FRK: variants seen among roughly 807,000 people sequenced by gnomAD.
The protein encoded by FRK is tyrosine-protein kinase FRK.
FRK carries 51 observed loss-of-function variants against 56.4 expected under a neutral mutation model. That is an observed-to-expected ratio of 0.90 (90% CI 0.72 to 1.14). The LOEUF (loss-of-function observed/expected upper bound fraction) is 1.14. Among genes scored for constraint, FRK ranks in the 50% most tolerant of loss-of-function variants. The probability of loss-of-function intolerance (pLI) is 0.00; values close to 1 mark genes in which losing one functional copy is unlikely to be tolerated. For synonymous variants in FRK, 245 were observed against 217.9 expected, an observed-to-expected ratio of 1.12 and a Z score of -1.10; for missense variants, 570 against 601.4, an observed-to-expected ratio of 0.95 and a Z score of 0.55.
Position 115,998,434 on chromosome 6 carries a change from C to T in FRK, c.466+5443G>A, listed in dbSNP as rs568235103. Reference sequence around the variant, plus strand: ...CCTTTCCACACTTATTTTCTACCATCCCTCCTCGCCTTCATCCACTCCCCA... The same window carrying T: ...CCTTTCCACACTTATTTTCTACCATTCCTCCTCGCCTTCATCCACTCCCCA... On this transcript the variant is annotated intron_variant, in intron 2 of 7. Transcript: ENST00000606080. Among the ~76,000 whole-genome samples, 3 of 152,270 alleles carry T rather than the reference C, an allele frequency of 2.0e-5. No individual in the cohort carries two copies. The East Asian group carries it at 5.8e-4, about 29-fold the overall frequency.
chr6:116,061,714 G>A (rs969798017), upstream of FRK, among the ~76,000 whole-genome samples: 1 of 152,248 alleles, frequency 6.6e-6, no homozygotes, highest in Non-Finnish European at 1.5e-5. Context: ...GCAGATCAAC[G>A]TACGGTCATT....
the FRK span, among the ~76,000 whole-genome samples, chr6:116,096,591 G>A: frequency 6.6e-6 from 1 of 151,754 alleles, no homozygotes; most frequent in Admixed American, 6.6e-5. Context: ...ATGCACCAAT[G>A]AGCACTCTGT....
the FRK span, among the ~76,000 whole-genome samples, chr6:116,074,933 C>A: frequency 2.2e-4 from 33 of 152,188 alleles, no homozygotes; most frequent in South Asian, 6.6e-3. Context: ...CCTAGGGTTA[C>A]AATCTGGGAA....
intron 1 of FRK, among the ~76,000 whole-genome samples, chr6:116,049,351 AGGCTTTT>A (rs1314181514): frequency 6.6e-6 from 1 of 152,152 alleles, no homozygotes; most frequent in African/African-American, 2.4e-5. Context: ...TCATCTCTCT[AGGCTTTT>A]AGAAATTCAG....
chr6:116,029,885 A>G (rs557248995), intron 1 of FRK, among the ~76,000 whole-genome samples: 8 of 152,062 alleles, frequency 5.3e-5, no homozygotes, highest in African/African-American at 7.2e-5. Context: ...CCCTTTTTTA[A>G]CCTGATTTTT....
chr6:115,987,279 G>A (rs1418238803), intron 2 of FRK, among the ~76,000 whole-genome samples: 1 of 151,864 alleles, frequency 6.6e-6, no homozygotes, highest in Non-Finnish European at 1.5e-5. Context: ...AGGAAGCTGA[G>A]GCATGGAGAG....
Position 115,941,196 on chromosome 6 carries a change from A to G in FRK, c.*1218T>C, listed in dbSNP as rs1772163176. 6.6e-6 allele frequency: 1 copy of G among 152,258 alleles called. No homozygotes were observed. Among genetic ancestry groups the G allele is most frequent in the South Asian group, 2.1e-4 (1 of 4,828 alleles). 9.4% of individuals were successfully genotyped at this position (152,258 alleles called of 1,614,324 possible). A position where few individuals can be genotyped will look rare whatever the true frequency, so the allele number is the denominator to read the frequency against. On this transcript the variant is annotated 3_prime_UTR_variant, in exon 8 of 8. Transcript: ENST00000606080. The stretch of plus-strand genomic sequence containing the variant: ...GGATGAGTTCATGTCCTTCACAGGG[A>G]CATGGATAAAGCTGGAAACCATCAT...
chr6:116,057,868 C>G (rs1467170800), intron 1 of FRK, among the ~76,000 whole-genome samples: 1 of 152,108 alleles, frequency 6.6e-6, no homozygotes, highest in Admixed American at 6.5e-5. Flanking sequence ...GCTCTCAAGC[C>G]TTTTACCCAG....
In FRK at chr6:116,039,266, C is replaced by G. The variant is rs1386661710; in HGVS notation, c.344+20702G>C. On this transcript the variant is annotated intron_variant, in intron 1 of 7. Coordinates refer to ENST00000606080, the MANE Select transcript of FRK (RefSeq NM_002031.3). ...TGCGAGCCTGTGTGGGCCATTGGTA[C>G]CAGCAAGACTGCAACACCCCAGAAG... The G allele has an allele frequency of 5.4e-6, 8 of 1,486,836 alleles. No individual in the cohort carries two copies. In the East Asian group the frequency reaches 6.8e-5, roughly 13 times the overall value. 92.1% of individuals were successfully genotyped at this position (1,486,836 alleles called of 1,614,324 possible).
At chr6:116,002,631 A>G in intron 2 of FRK, 1 of 443,674 alleles carries the variant, frequency 2.3e-6, no homozygotes, top group Non-Finnish European at 4.6e-6. Context: ...GGTAATTGAC[A>G]CATCACACAC....
chr6:116,055,634 A>T (rs1777364103), intron 1 of FRK, among the ~76,000 whole-genome samples: 1 of 152,234 alleles, frequency 6.6e-6, no homozygotes, highest in Admixed American at 6.5e-5. Flanking sequence ...TTCACACATA[A>T]GTGTGGAAAT....
At chr6:115,985,895 C>T (rs1017960314) in intron 2 of FRK, among the ~76,000 whole-genome samples, 6 of 98,754 alleles carry the variant, frequency 6.1e-5, no homozygotes, top group Non-Finnish European at 1.4e-4. Context: ...TTTCTCCCAA[C>T]AAGCAGCAAA....
At chr6:116,062,767 A>G (rs961586369), upstream of FRK, among the ~76,000 whole-genome samples, 3 of 152,194 alleles carry the variant, frequency 2.0e-5, no homozygotes, top group Non-Finnish European at 4.4e-5. Flanking sequence ...TTGTGTCCAT[A>G]GTACCAGAAT....
intron 1 of FRK, among the ~76,000 whole-genome samples, chr6:116,048,685 C>A (rs996025756): frequency 1.3e-5 from 2 of 152,100 alleles, no homozygotes; most frequent in East Asian, 3.8e-4. Context: ...CATGCTGAGC[C>A]CCCAAATTAC....
chr6:116,095,835 A>T, the FRK span, among the ~76,000 whole-genome samples: 1 of 152,236 alleles, frequency 6.6e-6, no homozygotes, highest in African/African-American at 2.4e-5. Flanking sequence ...AGGACTTTGC[A>T]GCTTCTTAGG....
rs528896310 is a variant in FRK, at chr6:115,944,243, C to T, written c.1140+1G>A. On this transcript the variant is annotated splice_donor_variant, in intron 6 of 7. Transcript: ENST00000606080. LOFTEE classifies it high-confidence loss of function. ...ACTAATTAAAACAAAACTAAATCCA[C>T]CTTAAAAACTCTGGCAAGTCCAAAA... is the stretch of plus-strand genomic sequence containing the variant. 6.9e-6 allele frequency: 11 copies of T among 1,604,298 alleles called. No individual in the cohort carries two copies. The South Asian group carries it at 1.2e-4, about 18-fold the overall frequency.
intron 2 of FRK, among the ~76,000 whole-genome samples, chr6:115,975,111 C>G (rs945536876): frequency 5.9e-5 from 9 of 152,070 alleles, no homozygotes; most frequent in African/African-American, 1.9e-4. Context: ...TCGGGACTTA[C>G]AAGACTTCCC....
chr6:115,997,905 C>A (rs1009300901), intron 2 of FRK, among the ~76,000 whole-genome samples: 1 of 152,170 alleles, frequency 6.6e-6, no homozygotes, highest in Non-Finnish European at 1.5e-5. Flanking sequence ...CTCTTCTGAG[C>A]AAAAGAAGCT....
chr6:116,029,627 C>A (rs76790910), intron 1 of FRK, among the ~76,000 whole-genome samples: 7,927 of 152,176 alleles, frequency 0.052, 246 homozygotes, highest in Middle Eastern at 0.065. Flanking sequence ...AAGGGCCAGG[C>A]ACCGTGCAAA....
Sources: allele counts gnomAD v4.1 joint callset (sites outside exome capture counted in the v4.1 genomes callset), GRCh38; gene constraint gnomAD v4.1.1; transcripts MANE v1.5; gene names NCBI Gene and HGNC (gene_info 2026-07-23, HGNC 2026-07-21).